The following PIK3R3 variants were observed in gnomAD, a reference collection of about 807,000 sequenced individuals.
The protein encoded by PIK3R3 is phosphoinositide-3-kinase regulatory subunit 3.
A neutral mutation model predicts 62.9 loss-of-function variants in PIK3R3; 64 were observed. That is an observed-to-expected ratio of 1.02 (90% CI 0.83 to 1.25). The LOEUF (loss-of-function observed/expected upper bound fraction) is 1.25, where lower values mean the gene tolerates loss of function less well. PIK3R3 is among the 50% of genes most tolerant of loss of function. PIK3R3 has a pLI of 0.00. For missense variants in PIK3R3, 614 were observed against 561.6 expected, an observed-to-expected ratio of 1.09 and a Z score of -0.94; for synonymous variants, 165 against 189.0, an observed-to-expected ratio of 0.87 and a Z score of 1.04.
At chr1:46,099,382 CT>C (rs1200022506) in intron 1 of PIK3R3, among the ~76,000 whole-genome samples, 1 of 152,080 alleles carries the variant, frequency 6.6e-6, no homozygotes, top group East Asian at 1.9e-4. Flanking sequence ...TTTTAGATTC[CT>C]TGGAATGCAA....
chr1:46,086,315 G>A (rs193075723), intron 1 of PIK3R3, among the ~76,000 whole-genome samples: 13 of 152,278 alleles, frequency 8.5e-5, no homozygotes, highest in Non-Finnish European at 1.8e-4. Flanking sequence ...ATGGTGCCAG[G>A]TGCAGTGGTG....
At chr1:46,144,094 C>A in the PIK3R3 span, among the ~76,000 whole-genome samples, 5 of 152,146 alleles carry the variant, frequency 3.3e-5, no homozygotes, top group Non-Finnish European at 5.9e-5. Flanking sequence ...ATTAGAGTTT[C>A]TTTCATAAAT....
rs937631814 is a variant in PIK3R3 at position 46,041,743 on chromosome 1, T to A, written c.*1930A>T. 1 of 202,406 alleles carries A rather than the reference T, an allele frequency of 4.9e-6. No individual in the cohort carries two copies. Among genetic ancestry groups the A allele is most frequent in the African/African-American group, 2.3e-5 (1 of 43,644 alleles). 12.5% of individuals were successfully genotyped at this position (202,406 alleles called of 1,614,324 possible). ...CAATTGACAGTTTGGGGAAGGGATG[T>A]GCTGGCTATTAGTTAAATGACTTTA... is the stretch of plus-strand genomic sequence containing the variant. On this transcript the variant is annotated 3_prime_UTR_variant, in exon 10 of 10. Transcript: ENST00000262741.
chr1:46,091,136 A>T (rs984224904), intron 1 of PIK3R3, among the ~76,000 whole-genome samples: 2 of 142,648 alleles, frequency 1.4e-5, no homozygotes, highest in Admixed American at 1.4e-4. Context: ...CCAGCATTTT[A>T]ACTTTTTTTT....
intron 1 of PIK3R3, among the ~76,000 whole-genome samples, chr1:46,123,362 T>TGAGC (rs1192042225): frequency 1.3e-5 from 2 of 152,174 alleles, no homozygotes; most frequent in African/African-American, 4.8e-5. Context: ...GAGATAGGAA[T>TGAGC]GAGCAATCAG....
At chr1:46,067,877 T>A (rs1046431710) in intron 3 of PIK3R3, among the ~76,000 whole-genome samples, 1 of 152,216 alleles carries the variant, frequency 6.6e-6, no homozygotes, top group Non-Finnish European at 1.5e-5. Flanking sequence ...TAAAAGATAA[T>A]TTATAACTAA....
chr1:46,101,100 A>G (rs1415898721), intron 1 of PIK3R3, among the ~76,000 whole-genome samples: 1 of 149,720 alleles, frequency 6.7e-6, no homozygotes. Flanking sequence ...TGAACCCAGA[A>G]GGCAGAGGTT....
chr1:46,127,749 A>G (rs1571574367), intron 1 of PIK3R3, among the ~76,000 whole-genome samples: 1 of 152,310 alleles, frequency 6.6e-6, no homozygotes, highest in African/African-American at 2.4e-5. Flanking sequence ...TTTTTTGTAG[A>G]AATGGCATCT....
rs780714260 is a variant in PIK3R3, at chr1:46,131,977, G to A, written c.-25C>T. ...TCGCGCTGTCAGGGGCAGGTCGCCAGGAGATATATAGAAGGCATATATTTT... is the reference window on the plus strand; with the variant it reads ...TCGCGCTGTCAGGGGCAGGTCGCCAAGAGATATATAGAAGGCATATATTTT... On this transcript the variant is annotated 5_prime_UTR_variant, in exon 1 of 10. Transcript: ENST00000262741. 1.9e-6 allele frequency: 3 copies of A among 1,610,866 alleles called. No individual in the cohort carries two copies. Among genetic ancestry groups the A allele is most frequent in the Non-Finnish European group, 1.7e-6 (2 of 1,179,152 alleles).
At chr1:46,095,919 A>G (rs1652079448) in intron 1 of PIK3R3, among the ~76,000 whole-genome samples, 5 of 152,198 alleles carry the variant, frequency 3.3e-5, no homozygotes, top group Admixed American at 2.6e-4. Flanking sequence ...TTAATAATAA[A>G]TTTCCTCCTG....
chr1:46,133,006 C>T (rs1250159885), upstream of PIK3R3: 2 of 1,064,820 alleles, frequency 1.9e-6, no homozygotes, highest in Non-Finnish European at 1.1e-6. Context: ...GGAAGAGAGG[C>T]AAGGTGGGTG....
chr1:46,126,605 C>G lies in PIK3R3; in HGVS notation c.106+5242G>C, dbSNP rs566789570. Among the ~76,000 whole-genome samples, 8 of 151,102 alleles carry G rather than the reference C, an allele frequency of 5.3e-5. No homozygotes were observed. In the East Asian group the frequency reaches 1.4e-3, roughly 26 times the overall value. Reference sequence around the variant, plus strand: ...AGTAAAGATGTCAATGCCATTCTTCCCACTAACTCTTTTTGCTTTTAGAAA... The same window carrying G: ...AGTAAAGATGTCAATGCCATTCTTCGCACTAACTCTTTTTGCTTTTAGAAA... On this transcript the variant is annotated intron_variant, in intron 1 of 9. Transcript: ENST00000262741.
the PIK3R3 span, among the ~76,000 whole-genome samples, chr1:46,173,143 G>A: frequency 6.6e-6 from 1 of 152,202 alleles, no homozygotes; most frequent in Non-Finnish European, 1.5e-5. Context: ...TGGAATTCTG[G>A]AGATATGGTT....
At chr1:46,144,948 A>G in the PIK3R3 span, among the ~76,000 whole-genome samples, 3 of 151,294 alleles carry the variant, frequency 2.0e-5, no homozygotes, top group Non-Finnish European at 2.9e-5. Context: ...ACATGGAGAA[A>G]CCCCATCTCT....
chr1:46,169,240 A>T, the PIK3R3 span, among the ~76,000 whole-genome samples: 2 of 152,178 alleles, frequency 1.3e-5, no homozygotes, highest in African/African-American at 4.8e-5. Flanking sequence ...CCCTAGCTGG[A>T]TGATCTTAGG....
At chr1:46,125,439 A>G (rs1655010756) in intron 1 of PIK3R3, among the ~76,000 whole-genome samples, 1 of 152,140 alleles carries the variant, frequency 6.6e-6, no homozygotes, top group African/African-American at 2.4e-5. Context: ...GCAGGGTTAA[A>G]AATAAAAATT....
At chr1:46,129,276 G>C (rs1421487419) in intron 1 of PIK3R3, among the ~76,000 whole-genome samples, 1 of 152,092 alleles carries the variant, frequency 6.6e-6, no homozygotes, top group Non-Finnish European at 1.5e-5. Context: ...ATACATTCAA[G>C]TAACAGCAAA....
intron 2 of PIK3R3, among the ~76,000 whole-genome samples, chr1:46,080,296 G>C (rs112482333): frequency 0.2 from 30,483 of 151,460 alleles, 3,559 homozygotes; most frequent in Non-Finnish European, 0.26. Flanking sequence ...TCCTGAGCTC[G>C]GGCAATCCAC....
chr1:46,082,510 T>C (rs1282924174), intron 1 of PIK3R3, among the ~76,000 whole-genome samples: 1 of 152,228 alleles, frequency 6.6e-6, no homozygotes, highest in East Asian at 1.9e-4. Context: ...ATAGTAGTAG[T>C]ACAGCAGTGT....
Sources: gnomAD v4.1 joint callset for allele counts (sites outside exome capture counted in the v4.1 genomes callset) on GRCh38, gnomAD v4.1.1 for gene constraint, MANE v1.5 for transcripts, NCBI Gene and HGNC (gene_info 2026-07-23, HGNC 2026-07-21) for gene names.